KCNMA1: variants seen among roughly 807,000 people sequenced by gnomAD.
KCNMA1 encodes the protein potassium calcium-activated channel subfamily M alpha 1, also known as Calcium-activated potassium channel subunit alpha-1.
A neutral mutation model predicts 140.0 loss-of-function variants in KCNMA1; 29 were observed. The ratio of observed to expected loss-of-function variants is 0.21; its 90% CI spans 0.15 to 0.28. The LOEUF is 0.28. Among genes scored for constraint, KCNMA1 ranks in the 10% least tolerant of loss-of-function variants. The pLI, the probability that KCNMA1 is intolerant of heterozygous loss-of-function variation, is 1.00. For missense variants in KCNMA1, 880 were observed against 1,602.2 expected, an observed-to-expected ratio of 0.55 and a Z score of 7.70; for synonymous variants, 612 against 611.9, an observed-to-expected ratio of 1.00 and a Z score of 0.00.
At chr10:77,053,847 T>C (rs1323565226) in intron 14 of KCNMA1, among the ~76,000 whole-genome samples, 1 of 152,172 alleles carries the variant, frequency 6.6e-6, no homozygotes, top group Admixed American at 6.5e-5. Context: ...GGATAATCTT[T>C]CAAAAATACC....
At chr10:77,166,270 T>C (rs888076533) in intron 5 of KCNMA1, among the ~76,000 whole-genome samples, 2 of 152,192 alleles carry the variant, frequency 1.3e-5, no homozygotes, top group Non-Finnish European at 2.9e-5. Context: ...CTGACCCAGT[T>C]TGTAAATTCG....
chr10:77,033,783 G>A (rs938121980), intron 15 of KCNMA1, among the ~76,000 whole-genome samples: 6 of 152,022 alleles, frequency 3.9e-5, no homozygotes, highest in African/African-American at 1.4e-4. Flanking sequence ...TAGGGTCAAC[G>A]GTTTATTCAC....
At chr10:77,047,399 T>C (rs1425342208) in intron 14 of KCNMA1, among the ~76,000 whole-genome samples, 2 of 152,162 alleles carry the variant, frequency 1.3e-5, no homozygotes, top group South Asian at 4.1e-4. Context: ...ACACCACATG[T>C]AAAAGTACCA....
chr10:77,521,002 C>A (rs1051711372), intron 1 of KCNMA1, among the ~76,000 whole-genome samples: 2 of 152,156 alleles, frequency 1.3e-5, no homozygotes, highest in South Asian at 4.1e-4. Flanking sequence ...CCTGAAAGGC[C>A]AAGAGCTTTA....
At chr10:77,188,350 CT>C (rs1019873115) in intron 3 of KCNMA1, among the ~76,000 whole-genome samples, 1 of 151,990 alleles carries the variant, frequency 6.6e-6, no homozygotes, top group African/African-American at 2.4e-5. Flanking sequence ...AGAAAACTGA[CT>C]TACCCTAAAT....
At chr10:77,203,964 C>T (rs1010550260) in intron 3 of KCNMA1, among the ~76,000 whole-genome samples, 2 of 151,728 alleles carry the variant, frequency 1.3e-5, no homozygotes, top group Non-Finnish European at 2.9e-5. Context: ...GGCATGGTGG[C>T]GGGTTCCTAT....
At position 77,459,463 on chromosome 10, in the gene KCNMA1, C is replaced by T. The variant is rs139060389; in HGVS notation, c.379-55440G>A. Among the ~76,000 whole-genome samples the T allele has an allele frequency of 7.4e-4, 112 of 152,282 alleles. 2 individuals are homozygous for T. The East Asian group carries it at 0.019, about 25-fold the overall frequency. On this transcript the variant is annotated intron_variant, in intron 1 of 27. Transcript: ENST00000286628. ...CAAACACTGACTAATAAGCTAAAATCGGAAATCTTTATGGAGAAACCCTTG... is the reference window on the plus strand; with the variant it reads ...CAAACACTGACTAATAAGCTAAAATTGGAAATCTTTATGGAGAAACCCTTG...
chr10:77,389,657 C>T (rs899963897), intron 2 of KCNMA1, among the ~76,000 whole-genome samples: 1 of 152,168 alleles, frequency 6.6e-6, no homozygotes, highest in Non-Finnish European at 1.5e-5. Context: ...AGCTCCATGG[C>T]TGAAATGATT....
At chr10:77,154,133 A>C (rs1254953463) in intron 5 of KCNMA1, among the ~76,000 whole-genome samples, 3 of 152,054 alleles carry the variant, frequency 2.0e-5, no homozygotes. Context: ...TTTTATAAGC[A>C]TCTGGCATTT....
At chr10:76,944,673 G>T in intron 23 of KCNMA1, 100 bp downstream of exon 23, 3 of 1,119,838 alleles carry the variant, frequency 2.7e-6, no homozygotes, top group Non-Finnish European at 4.0e-6. Context: ...TGCCAGGCAG[G>T]CTGATGTGAG....
intron 6 of KCNMA1, among the ~76,000 whole-genome samples, chr10:77,117,094 C>CACGAT (rs2097492829): frequency 3.3e-5 from 5 of 152,238 alleles, no homozygotes; most frequent in African/African-American, 1.2e-4. Context: ...TGGTTAGGTA[C>CACGAT]ACGATGACTC....
intron 16 of KCNMA1, chr10:77,022,948 G>A (rs2093024251): frequency 2.2e-6 from 1 of 455,356 alleles, no homozygotes; most frequent in Non-Finnish European, 4.4e-6. Flanking sequence ...TTGCAAAGTT[G>A]GGGCAATTGA....
intron 20 of KCNMA1, among the ~76,000 whole-genome samples, chr10:76,958,366 C>A (rs1340690799): frequency 1.3e-5 from 2 of 152,118 alleles, no homozygotes; most frequent in South Asian, 2.1e-4. Flanking sequence ...TAAAAGGCAC[C>A]ATAATTAATT....
rs1590850043 is a variant in KCNMA1 at position 76,924,530 on chromosome 10, C to T, written c.2903-9481G>A. Among the ~76,000 whole-genome samples the T allele has an allele frequency of 5.3e-5, 8 of 152,108 alleles. No individual in the cohort carries two copies. The South Asian group carries it at 1.7e-3, about 32-fold the overall frequency. ...AAATTATAAATTGATGTTAAAGACC[C>T]TGAAATCTCGAAACCTCATGTGATC... On this transcript the variant is annotated intron_variant, in intron 23 of 27. Coordinates refer to ENST00000286628, the MANE Select transcript of KCNMA1 (RefSeq NM_001161352.2).
chr10:77,307,585 C>T (rs1450723858), intron 2 of KCNMA1, among the ~76,000 whole-genome samples: 2 of 152,164 alleles, frequency 1.3e-5, no homozygotes, highest in Non-Finnish European at 2.9e-5. Flanking sequence ...CTCGTTCCGT[C>T]ACCCAGGCTG....
chr10:77,217,452 G>GT (rs1565281600), intron 3 of KCNMA1: 1 of 455,264 alleles, frequency 2.2e-6, no homozygotes, highest in East Asian at 7.0e-5. Flanking sequence ...ACATCAACTG[G>GT]TATGTATTAA....
chr10:77,139,890 T>C (rs2098128534), intron 5 of KCNMA1, among the ~76,000 whole-genome samples: 1 of 151,642 alleles, frequency 6.6e-6, no homozygotes, highest in South Asian at 2.1e-4. Flanking sequence ...CAACTCGCAC[T>C]GTAGCCCCTG....
At chr10:77,621,549 CCT>C (rs1164332391) in intron 1 of KCNMA1, among the ~76,000 whole-genome samples, 3 of 150,924 alleles carry the variant, frequency 2.0e-5, no homozygotes, top group Admixed American at 6.6e-5. Context: ...CACACACACC[CCT>C]CTCTCAAGTT....
intron 25 of KCNMA1, among the ~76,000 whole-genome samples, chr10:76,900,303 A>G (rs1163458620): frequency 1.3e-5 from 2 of 152,064 alleles, no homozygotes; most frequent in East Asian, 3.8e-4. Flanking sequence ...TATTTCTACC[A>G]TAAAGTATTA....
Sources: allele counts gnomAD v4.1 joint callset (sites outside exome capture counted in the v4.1 genomes callset), GRCh38; gene constraint gnomAD v4.1.1; transcripts MANE v1.5; gene names NCBI Gene and HGNC (gene_info 2026-07-23, HGNC 2026-07-21).